Variants in CHRM3 observed in about 807,000 individuals in gnomAD.
CHRM3 encodes muscarinic acetylcholine receptor M3.
Under a neutral mutation model 41.8 loss-of-function variants are expected in CHRM3, and 11 were observed. The ratio of observed to expected loss-of-function variants is 0.26; its 90% confidence interval spans 0.17 to 0.44. The LOEUF is 0.44. Among genes scored for constraint, CHRM3 ranks in the 20% least tolerant of loss-of-function variants. The probability of loss-of-function intolerance (pLI) is 1.00; values close to 1 mark genes in which losing one functional copy is unlikely to be tolerated. For missense variants in CHRM3, 571 were observed against 745.4 expected, an observed-to-expected ratio of 0.77 and a Z score of 2.72; for synonymous variants, 297 against 301.4, an observed-to-expected ratio of 0.99 and a Z score of 0.15.
chr1:239,877,727 A>C (rs1677223292), intron 6 of CHRM3, among the ~76,000 whole-genome samples: 1 of 150,512 alleles, frequency 6.6e-6, no homozygotes, highest in Non-Finnish European at 1.5e-5. Flanking sequence ...GGAAATATTC[A>C]GATTTTTTTT....
At chr1:239,894,367 G>A (rs1432681010) in intron 6 of CHRM3, among the ~76,000 whole-genome samples, 1 of 152,182 alleles carries the variant, frequency 6.6e-6, no homozygotes, top group South Asian at 2.1e-4. Context: ...CATGCCCAGG[G>A]ACCTCAGCCG....
chr1:239,865,236 ACTC>A (rs148096035), intron 6 of CHRM3, among the ~76,000 whole-genome samples: 2,743 of 152,148 alleles, frequency 0.018, 95 homozygotes, highest in African/African-American at 0.063. Flanking sequence ...TGTATAGGAT[ACTC>A]CTGTTTGTGT....
chr1:239,725,921 T>G (rs1663394877), intron 5 of CHRM3, among the ~76,000 whole-genome samples: 2 of 152,060 alleles, frequency 1.3e-5, no homozygotes, highest in African/African-American at 4.8e-5. Flanking sequence ...TATAAAATAT[T>G]ACAAAAACAC....
intron 6 of CHRM3, among the ~76,000 whole-genome samples, chr1:239,881,344 T>C (rs1677617299): frequency 6.7e-6 from 1 of 149,502 alleles, no homozygotes; most frequent in African/African-American, 2.5e-5. Flanking sequence ...TTAGTGCCTG[T>C]TGCGTGAGCT....
chr1:239,462,420 A>AT (rs1452851263), intron 1 of CHRM3, among the ~76,000 whole-genome samples: 1 of 152,102 alleles, frequency 6.6e-6, no homozygotes. Flanking sequence ...GGAAAAAAAA[A>AT]TTTTTCATAT....
chr1:239,848,951 G>T (rs1674490087), intron 6 of CHRM3, among the ~76,000 whole-genome samples: 1 of 152,070 alleles, frequency 6.6e-6, no homozygotes, highest in Admixed American at 6.6e-5. Flanking sequence ...AATAATTCCA[G>T]CAAACTATAG....
intron 1 of CHRM3, among the ~76,000 whole-genome samples, chr1:239,391,818 A>G (rs984519229): frequency 1.3e-5 from 2 of 152,204 alleles, no homozygotes; most frequent in African/African-American, 4.8e-5. Context: ...AACCAATTTG[A>G]TAAACAGTAG....
At chr1:239,612,042 A>G (rs12737300) in intron 3 of CHRM3, among the ~76,000 whole-genome samples, 4,666 of 152,218 alleles carry the variant, frequency 0.031, 125 homozygotes, top group Middle Eastern at 0.13. Context: ...TCTGCCTTTA[A>G]TCTAGCTCTC....
chr1:239,690,848 T>C (rs1659647714), intron 5 of CHRM3, among the ~76,000 whole-genome samples: 1 of 151,920 alleles, frequency 6.6e-6, no homozygotes. Context: ...ATTCATCTGC[T>C]TGTAACAAAG....
At chr1:239,873,250 G>A (rs1268209766) in intron 6 of CHRM3, among the ~76,000 whole-genome samples, 1 of 152,102 alleles carries the variant, frequency 6.6e-6, no homozygotes, top group Non-Finnish European at 1.5e-5. Context: ...GTCCTCCTGA[G>A]CCTCAGTTTC....
rs759147453 is a variant in CHRM3 at position 239,387,845 on chromosome 1, G to T, written c.-521+618G>T. 5.9e-5 allele frequency among the ~76,000 whole-genome samples: 9 copies of T among 152,172 alleles called. No homozygotes were observed. Among genetic ancestry groups the T allele is most frequent in the Admixed American group, 3.9e-4 (6 of 15,282 alleles). On this transcript the variant is annotated intron_variant, in intron 1 of 6. Coordinates refer to ENST00000676153, the MANE Select transcript of CHRM3 (RefSeq NM_001375978.1). This position sits in a 1 kb window ranked among gnomAD's most constrained non-coding sequence, Gnocchi z 5.1. The stretch of plus-strand genomic sequence containing the variant: ...TGGGCGAAGGTACCTAGCCTAGTGC[G>T]CATCTTTACTGACCCGGGGAGAGTC...
chr1:239,735,122 T>C (rs1277239837), intron 5 of CHRM3, among the ~76,000 whole-genome samples: 1 of 152,108 alleles, frequency 6.6e-6, no homozygotes, highest in Admixed American at 6.6e-5. Flanking sequence ...AACTTTATCA[T>C]AAAATCAATG....
chr1:239,864,701 C>G (rs1675941694), intron 6 of CHRM3, among the ~76,000 whole-genome samples: 1 of 152,042 alleles, frequency 6.6e-6, no homozygotes, highest in South Asian at 2.1e-4. Flanking sequence ...CTCATTATTA[C>G]TAAAATTTTT....
At chr1:239,689,222 A>G (rs1467058633) in intron 5 of CHRM3, among the ~76,000 whole-genome samples, 1 of 152,006 alleles carries the variant, frequency 6.6e-6, no homozygotes, top group Non-Finnish European at 1.5e-5. Flanking sequence ...ATAATCACTA[A>G]TCTTTTTTGT....
chr1:239,408,575 G>C (rs1429395904), intron 1 of CHRM3, among the ~76,000 whole-genome samples: 2 of 151,412 alleles, frequency 1.3e-5, no homozygotes. Context: ...CCAGTCTTGG[G>C]TATGTCCTTA....
At chr1:239,874,295 A>ATATCTATATATCTATATACACAG (rs1676879100) in intron 6 of CHRM3, among the ~76,000 whole-genome samples, 1 of 73,162 alleles carries the variant, frequency 1.4e-5, no homozygotes, top group South Asian at 4.4e-4. Context: ...GTATATATAT[A>ATATCTATATATCTATATACACAG]TATATATATA....
At chr1:239,619,442 A>G (rs1391765221) in intron 3 of CHRM3, among the ~76,000 whole-genome samples, 1 of 152,178 alleles carries the variant, frequency 6.6e-6, no homozygotes, top group East Asian at 1.9e-4. Context: ...ATAGAACAAA[A>G]TATAGCTACT....
intron 5 of CHRM3, among the ~76,000 whole-genome samples, chr1:239,730,987 G>A (rs773755168): frequency 6.6e-6 from 1 of 151,878 alleles, no homozygotes; most frequent in African/African-American, 2.4e-5. Flanking sequence ...GGACTTGGTA[G>A]CCAACTGAAT....
In CHRM3 at chr1:239,631,528, A is replaced by G. The variant is rs1176832138; in HGVS notation, c.-312-696A>G. Among the ~76,000 whole-genome samples, 5 of 152,060 alleles carry G rather than the reference A, an allele frequency of 3.3e-5. No homozygotes were observed. The East Asian group carries it at 9.6e-4, about 29-fold the overall frequency. On this transcript the variant is annotated intron_variant, in intron 3 of 6. Coordinates refer to ENST00000676153, the MANE Select transcript of CHRM3 (RefSeq NM_001375978.1). ...TTCCCATTCCTTCATGACCCTCTGA[A>G]CTCAGCCACATCCTTCACAATGCCA...
Sources: gnomAD v4.1 joint callset for allele counts (sites outside exome capture counted in the v4.1 genomes callset) on GRCh38, gnomAD v4.1.1 for gene constraint, Gnocchi (gnomAD v3.1) non-coding constraint, MANE v1.5 for transcripts, NCBI Gene and HGNC (gene_info 2026-07-23, HGNC 2026-07-21) for gene names.